The following ELP3 variants were observed in gnomAD, a reference collection of about 807,000 sequenced individuals.
The protein encoded by ELP3 is elongator acetyltransferase complex subunit 3, also known as elongator complex protein 3.
In ELP3, 56 loss-of-function variants were observed where a neutral mutation model predicts 74.9. The ratio of observed to expected loss-of-function variants is 0.75; its 90% CI spans 0.60 to 0.93. The LOEUF is 0.93. Ranked by LOEUF, ELP3 falls within the 40% of genes least tolerant of loss-of-function variation. The probability of loss-of-function intolerance (pLI) is 0.00; values close to 1 mark genes in which losing one functional copy is unlikely to be tolerated. For synonymous variants in ELP3, 222 were observed against 239.8 expected (o/e 0.93, Z 0.68); for missense variants, 573 against 686.5 (o/e 0.83, Z 1.85).
rs1814114109 is a variant in ELP3, at chr8:28,162,015, A to G, written c.1504A>G (p.Met502Val). The change falls in exon 14 of 15, where the codon ATG (methionine) becomes GTG (valine). Residue 502 changes from methionine (M) to valine (V), a missense_variant. By Grantham distance (21) the Met-to-Val change is conservative. Coordinates refer to ENST00000256398, the MANE Select transcript of ELP3 (RefSeq NM_018091.6). ...CGTGCAGGGATTTGGCATGCTGCTG[A>G]TGGAGGAAGCAGAAAGAATAGCTAG... ...FQHQGFGMLL[M>V]EEAERIAREE... 1 of 1,614,026 alleles carries G rather than the reference A, an allele frequency of 6.2e-7. No individual in the cohort carries two copies. The highest frequency in any genetic ancestry group is 1.3e-5 in the African/African-American group (1 of 74,930).
At chr8:28,152,173 C>T (rs1343932964) in intron 10 of ELP3, among the ~76,000 whole-genome samples, 1 of 152,164 alleles carries the variant, frequency 6.6e-6, no homozygotes, top group Non-Finnish European at 1.5e-5. Context: ...GTGTCTTCCC[C>T]TCTTATAGGT....
At position 28,101,492 on chromosome 8, in the gene ELP3, G is replaced by C. The variant is rs1305416532; in HGVS notation, c.258+1526G>C. Among the ~76,000 whole-genome samples the C allele has an allele frequency of 3.9e-5, 6 of 152,078 alleles. No homozygotes were observed. The East Asian group carries it at 1.2e-3, about 29-fold the overall frequency. On this transcript the variant is annotated intron_variant, in intron 3 of 14. Transcript: ENST00000256398. ...CCCTCACCTCCCTTTTTCTACCCTAGGGCAACCATTTTTAACTCTTAGCCA... is the reference window on the plus strand; with the variant it reads ...CCCTCACCTCCCTTTTTCTACCCTACGGCAACCATTTTTAACTCTTAGCCA...
At chr8:28,134,189 C>T (rs1812892942) in intron 9 of ELP3, among the ~76,000 whole-genome samples, 1 of 152,076 alleles carries the variant, frequency 6.6e-6, no homozygotes. Flanking sequence ...TAGCACAGCT[C>T]CTAGGGAGAC....
At chr8:28,110,534 GA>G in intron 6 of ELP3, 96 bp downstream of exon 6, 1 of 1,109,092 alleles carries the variant, frequency 9.0e-7, no homozygotes, top group African/African-American at 1.6e-5. Flanking sequence ...AAATAAGAAT[GA>G]AAAAGGTGTT....
At chr8:28,150,431 C>G (rs117698037) in intron 10 of ELP3, among the ~76,000 whole-genome samples, 2 of 152,020 alleles carry the variant, frequency 1.3e-5, no homozygotes, top group South Asian at 2.1e-4. Context: ...TCTGAGAAAG[C>G]CTTTTTCTCT....
chr8:28,145,778 C>A (rs745612703), intron 10 of ELP3, among the ~76,000 whole-genome samples: 1 of 152,184 alleles, frequency 6.6e-6, no homozygotes, highest in South Asian at 2.1e-4. Context: ...CTCCCATCAC[C>A]GCGCCCAGCT....
At chr8:28,153,438 A>G (rs1233391509) in intron 10 of ELP3, among the ~76,000 whole-genome samples, 12 of 152,224 alleles carry the variant, frequency 7.9e-5, no homozygotes, top group Admixed American at 7.2e-4. Flanking sequence ...AAATTAGAAC[A>G]GTTCTTTGAA....
chr8:28,167,444 A>G (rs988239484), intron 14 of ELP3, among the ~76,000 whole-genome samples: 2 of 152,168 alleles, frequency 1.3e-5, no homozygotes, highest in African/African-American at 2.4e-5. Context: ...TCAGGCTACT[A>G]CACATCTCCC....
At chr8:28,111,797 A>G (rs1372337721) in intron 6 of ELP3, among the ~76,000 whole-genome samples, 1 of 152,236 alleles carries the variant, frequency 6.6e-6, no homozygotes, top group Non-Finnish European at 1.5e-5. Flanking sequence ...ATGCACTAGA[A>G]TTACCTGAGT....
At chr8:28,165,731 C>T (rs1160367531) in intron 14 of ELP3, among the ~76,000 whole-genome samples, 1 of 152,146 alleles carries the variant, frequency 6.6e-6, no homozygotes, top group Non-Finnish European at 1.5e-5. Flanking sequence ...ATCTTGGATT[C>T]AGCCTCTAGA....
intron 7 of ELP3, among the ~76,000 whole-genome samples, chr8:28,121,343 G>A (rs1355382970): frequency 1.2e-4 from 16 of 134,202 alleles, no homozygotes; most frequent in South Asian, 4.7e-4. Context: ...TTTTTGAATC[G>A]GAGTCTTGCT....
Position 28,097,274 on chromosome 8 carries a change from A to G in ELP3, c.75A>G (p.Gln25=). 1.2e-6 allele frequency: 2 copies of G among 1,614,078 alleles called. No individual in the cohort carries two copies. The highest frequency in any genetic ancestry group is 8.5e-7 in the Non-Finnish European group (1 of 1,179,962). The change falls in exon 2 of 15, where the codon CAA becomes CAG. Residue 25 remains glutamine (Q), a synonymous_variant. Coordinates refer to ENST00000256398, the MANE Select transcript of ELP3 (RefSeq NM_018091.6). ...MMLTIGDVIK[Q]LIEAHEQGKD... ...TGACTATAGGAGATGTTATTAAACA[A>G]CTGATTGAAGCCCACGAGCAGGGGA...
intron 14 of ELP3, among the ~76,000 whole-genome samples, chr8:28,163,387 AGTT>A (rs1483406633): frequency 6.6e-6 from 1 of 152,202 alleles, no homozygotes; most frequent in East Asian, 1.9e-4. Flanking sequence ...AAAAAAAATA[AGTT>A]GTTGCCAATC....
rs543377384 is a variant in ELP3 at position 28,121,306 on chromosome 8, T to A, written c.617+8133T>A. 1.1e-3 allele frequency among the ~76,000 whole-genome samples: 159 copies of A among 147,084 alleles called. 1 individual carries two copies. The highest frequency in any genetic ancestry group is 3.6e-3 in the African/African-American group (146 of 40,402). ...TGAAATGTAAATTTCATTTTTAAAT[T>A]TTATTATTATTATTATTATTTTTTT... On this transcript the variant is annotated intron_variant, in intron 7 of 14. Transcript: ENST00000256398.
intron 11 of ELP3, among the ~76,000 whole-genome samples, chr8:28,157,368 C>T (rs995205434): frequency 1.3e-5 from 2 of 150,834 alleles, no homozygotes; most frequent in African/African-American, 4.9e-5. Context: ...ATGCTAGCTA[C>T]TATATAGAAC....
At chr8:28,174,014 A>G (rs1189351061) in intron 14 of ELP3, among the ~76,000 whole-genome samples, 1 of 152,064 alleles carries the variant, frequency 6.6e-6, no homozygotes, top group South Asian at 2.1e-4. Context: ...CTGACCTGAC[A>G]TATGATCTAT....
At chr8:28,097,164 T>A in intron 1 of ELP3, 55 bp from the exon 2 acceptor site, 1 of 1,270,802 alleles carries the variant, frequency 7.9e-7, no homozygotes, top group Admixed American at 2.0e-5. Context: ...AATCAGATTT[T>A]AAAATCTTGA....
chr8:28,133,844 A>G (rs1010853725), intron 9 of ELP3, among the ~76,000 whole-genome samples: 2 of 151,920 alleles, frequency 1.3e-5, no homozygotes, highest in Admixed American at 1.3e-4. Context: ...TTCCCCCACA[A>G]TGGATATGTA....
intron 14 of ELP3, among the ~76,000 whole-genome samples, chr8:28,185,728 C>T (rs1006219497): frequency 1.3e-5 from 2 of 152,216 alleles, no homozygotes; most frequent in African/African-American, 2.4e-5. Context: ...TGGCTGAGCC[C>T]GCGTGGTGAT....
Sources: gnomAD v4.1 joint callset for allele counts (sites outside exome capture counted in the v4.1 genomes callset) on GRCh38, gnomAD v4.1.1 for gene constraint, MANE v1.5 for transcripts, NCBI Gene and HGNC (gene_info 2026-07-23, HGNC 2026-07-21) for gene names.